The following PIGG variants were observed in gnomAD, a reference collection of about 807,000 sequenced individuals.
The protein encoded by PIGG is GPI ethanolamine phosphate transferase 2, catalytic subunit.
In PIGG, 70 loss-of-function variants were observed where a neutral mutation model predicts 83.2. That is an observed-to-expected ratio of 0.84 (90% confidence interval 0.69 to 1.03). PIGG has a LOEUF of 1.03. PIGG is among the 50% of genes least tolerant of loss of function. The probability of loss-of-function intolerance (pLI) is 0.00; values close to 1 mark genes in which losing one functional copy is unlikely to be tolerated. For synonymous variants in PIGG, 532 were observed against 519.5 expected (o/e 1.02, Z -0.33); for missense variants, 1,257 against 1,233.6 (o/e 1.02, Z -0.28).
intron 10 of PIGG, among the ~76,000 whole-genome samples, chr4:529,926 G>A (rs1449499168): frequency 3.3e-5 from 5 of 152,214 alleles, no homozygotes; most frequent in Admixed American, 6.5e-5. Flanking sequence ...ACCACTGCAC[G>A]CGTGTGTGCC....
intron 4 of PIGG, among the ~76,000 whole-genome samples, chr4:508,244 C>T (rs1720538885): frequency 6.6e-6 from 1 of 152,184 alleles, no homozygotes. Context: ...TCCCTGAAGA[C>T]GTGTGCAGGG....
intron 2 of PIGG, among the ~76,000 whole-genome samples, chr4:505,343 G>A (rs1460246444): frequency 6.7e-6 from 1 of 150,370 alleles, no homozygotes; most frequent in African/African-American, 2.5e-5. Flanking sequence ...CCTAATTACT[G>A]TCCTAACATT....
At position 521,236 on chromosome 4, in the gene PIGG, T is replaced by A. The variant is rs1171328313; in HGVS notation, c.1295T>A (p.Ile432Asn). The A allele has an allele frequency of 6.2e-7, 1 of 1,613,946 alleles. No homozygotes were observed. The highest frequency in any genetic ancestry group is 1.3e-5 in the African/African-American group (1 of 74,922). Reference sequence around the variant, plus strand: ...AGTGCACAAGTGGCCCAGTACGACATCTATTCGATGATGGTGGGGACTGTC... The same window carrying A: ...AGTGCACAAGTGGCCCAGTACGACAACTATTCGATGATGGTGGGGACTGTC... ...SLSAQVAQYD[I>N]YSMMVGTVVV... Residue 432 changes from isoleucine to asparagine, a missense_variant, in exon 7 of 13, where the codon ATC becomes AAC. By Grantham distance (149) the Ile-to-Asn change is moderately radical. Transcript: ENST00000453061.
At chr4:500,011 C>G (rs1341806657) in intron 1 of PIGG, 1 of 256,966 alleles carries the variant, frequency 3.9e-6, no homozygotes, top group Non-Finnish European at 7.5e-6. Flanking sequence ...TTCTGGACCA[C>G]TTGCACACAT....
intron 5 of PIGG, among the ~76,000 whole-genome samples, chr4:514,745 G>T (rs1313631918): frequency 6.6e-6 from 1 of 152,144 alleles, no homozygotes; most frequent in African/African-American, 2.4e-5. Context: ...AATCTTGGTT[G>T]TCAGCAACTC....
Position 500,050 on chromosome 4 carries a change from A to G in PIGG, c.155-346A>G, listed in dbSNP as rs562413337. 107 of 288,628 alleles carry G rather than the reference A, an allele frequency of 3.7e-4. No homozygotes were observed. The South Asian group carries it at 4.4e-3, about 12-fold the overall frequency. The allele number at this position is 288,628 out of a possible 1,614,324, so 17.9% of individuals were successfully genotyped here. A position where few individuals can be genotyped will look rare whatever the true frequency, so the allele number is the denominator to read the frequency against. ...CAGCCGCTGACCATGTAAACGCAGT[A>G]TGTAAACGCCCAGCCATCCCGTAGC... On this transcript the variant is annotated intron_variant, in intron 1 of 12. Coordinates refer to ENST00000453061, the MANE Select transcript of PIGG (RefSeq NM_001127178.3).
rs976342255 is a variant in PIGG, at chr4:525,254, A to G, written c.2069+1341A>G. ...AACCACCTAGAAAGTATAGCAAATC[A>G]TTTCAAGCAAGGCTCGAAATAAGTA... On this transcript the variant is annotated intron_variant, in intron 9 of 12. Coordinates refer to ENST00000453061, the MANE Select transcript of PIGG (RefSeq NM_001127178.3). 7.1e-6 allele frequency: 7 copies of G among 985,344 alleles called. No homozygotes were observed. The African/African-American group carries it at 1.2e-4, about 17-fold the overall frequency. 61.0% of individuals were successfully genotyped at this position (985,344 alleles called of 1,614,324 possible). A position where few individuals can be genotyped will look rare whatever the true frequency, so the allele number is the denominator to read the frequency against.
At chr4:524,606 T>C (rs1211811248) in intron 9 of PIGG, 1 of 152,110 alleles carries the variant, frequency 6.6e-6, no homozygotes, top group Non-Finnish European at 1.5e-5. Context: ...ACCAAGCCAT[T>C]CGTGAGGAAT....
At chr4:525,287 C>A in intron 9 of PIGG, 1 of 984,880 alleles carries the variant, frequency 1.0e-6, no homozygotes, top group Non-Finnish European at 1.2e-6. Context: ...GTAGAAGAAA[C>A]CAGGACAGAA....
intron 6 of PIGG, among the ~76,000 whole-genome samples, chr4:519,694 G>A (rs148676665): frequency 6.6e-6 from 1 of 151,778 alleles, no homozygotes; most frequent in South Asian, 2.1e-4. Flanking sequence ...CAGCAGTGGG[G>A]TGGGCCTGCA....
chr4:533,789 C>T, intron 11 of PIGG, 29 bp from the exon 12 acceptor site: 2 of 1,609,664 alleles, frequency 1.2e-6, no homozygotes, highest in East Asian at 2.2e-5. Flanking sequence ...TGTTGTGAGG[C>T]CTTTGTCAGC....
At chr4:537,675 C>G (rs1316751798) in intron 12 of PIGG, among the ~76,000 whole-genome samples, 1 of 151,944 alleles carries the variant, frequency 6.6e-6, no homozygotes, top group African/African-American at 2.4e-5. Flanking sequence ...ACCAGAGGCA[C>G]CGGCCACCCA....
rs1723615859 is a variant in PIGG at position 515,737 on chromosome 4, CCT to C, written c.902-230_902-229del. On this transcript the variant is annotated intron_variant, in intron 5 of 12. Transcript: ENST00000453061. This position sits in a 1 kb window ranked among gnomAD's most constrained non-coding sequence, Gnocchi z 4.2. Reference sequence around the variant, plus strand: ...TACTGTATGGAATTCCTCACATGAGCCTCTCTCGCAGCCTGTTGCAGGCTACT... The same window carrying C: ...TACTGTATGGAATTCCTCACATGAGCCTCTCGCAGCCTGTTGCAGGCTACT... Among the ~76,000 whole-genome samples the C allele has an allele frequency of 6.6e-6, 1 of 152,340 alleles. No individual in the cohort carries two copies. The highest frequency in any genetic ancestry group is 1.9e-4 in the East Asian group (1 of 5,174).
chr4:504,645 A>T (rs1417357847), intron 2 of PIGG, among the ~76,000 whole-genome samples: 1 of 152,204 alleles, frequency 6.6e-6, no homozygotes, highest in South Asian at 2.1e-4. Context: ...ATGTCTCGGT[A>T]AAATTATTTC....
chr4:509,749 T>A (rs1721241831), intron 5 of PIGG, among the ~76,000 whole-genome samples: 1 of 152,228 alleles, frequency 6.6e-6, no homozygotes, highest in African/African-American at 2.4e-5. Flanking sequence ...TTTACTGGAC[T>A]GCCTTCTTGT....
intron 8 of PIGG, chr4:522,447 G>A (rs1229556457): frequency 4.8e-6 from 1 of 207,266 alleles, no homozygotes; most frequent in African/African-American, 2.3e-5. Context: ...TTTTCTGTTG[G>A]AATTCTTAGT....
chr4:528,063 G>T lies in PIGG; in HGVS notation c.2261+833G>T. 2.0e-6 allele frequency: 2 copies of T among 985,374 alleles called. No individual in the cohort carries two copies. The highest frequency in any genetic ancestry group is 2.4e-6 in the Non-Finnish European group (2 of 829,910). The allele number at this position is 985,374 out of a possible 1,614,324, so 61.0% of individuals were successfully genotyped here. On this transcript the variant is annotated intron_variant, in intron 10 of 12. Coordinates refer to ENST00000453061, the MANE Select transcript of PIGG (RefSeq NM_001127178.3). The surrounding 1 kb of genome is among the most constrained non-coding windows in gnomAD (Gnocchi z 4.8). ...CAGTGATCCTCCCAGTGAGGTCGGT[G>T]CTCTGACAGTGACCGTCCCAGTGAG...
At chr4:523,307 G>T in intron 8 of PIGG, 152 bp from the exon 9 acceptor site, 1 of 680,942 alleles carries the variant, frequency 1.5e-6, no homozygotes, top group Non-Finnish European at 2.6e-6. Flanking sequence ...GGAGCAGAAG[G>T]GGGCTGTTCC....
At chr4:512,811 C>T (rs1228319184) in intron 5 of PIGG, among the ~76,000 whole-genome samples, 1 of 151,848 alleles carries the variant, frequency 6.6e-6, no homozygotes, top group Non-Finnish European at 1.5e-5. Context: ...GAGACTCCAT[C>T]TAAAAATAGT....
Sources: allele counts gnomAD v4.1 joint callset (sites outside exome capture counted in the v4.1 genomes callset), GRCh38; gene constraint gnomAD v4.1.1; non-coding constraint Gnocchi (gnomAD v3.1); transcripts MANE v1.5; gene names NCBI Gene and HGNC (gene_info 2026-07-23, HGNC 2026-07-21).